Variants in THOC5 observed in about 807,000 individuals in gnomAD.
THOC5 encodes the protein THO complex subunit 5.
THOC5 carries 43 observed loss-of-function variants against 92.9 expected under a neutral mutation model. The observed-to-expected ratio is 0.46, with a 90% CI of 0.36 to 0.60. The LOEUF is 0.60. Ranked by LOEUF, THOC5 falls within the 20% of genes least tolerant of loss-of-function variation. The probability of loss-of-function intolerance (pLI) is 0.00; values close to 1 mark genes in which losing one functional copy is unlikely to be tolerated. For missense variants in THOC5, 659 were observed against 849.4 expected (o/e 0.78, Z 2.79); for synonymous variants, 296 against 320.1 (o/e 0.92, Z 0.80).
intron 17 of THOC5, among the ~76,000 whole-genome samples, chr22:29,516,204 C>T (rs563411022): frequency 2.7e-5 from 4 of 149,568 alleles, no homozygotes; most frequent in African/African-American, 9.8e-5. Flanking sequence ...TGCATAAAAT[C>T]CAAATAGTGG....
chr22:29,511,972 C>T (rs2063232132), intron 18 of THOC5, 49 bp downstream of exon 18: 3 of 1,532,922 alleles, frequency 2.0e-6, no homozygotes, highest in African/African-American at 1.4e-5. Context: ...ACGGCCACCT[C>T]CCCCGGGAGC....
chr22:29,527,973 C>T (rs1248239238), intron 11 of THOC5, 105 bp downstream of exon 11: 7 of 1,000,804 alleles, frequency 7.0e-6, no homozygotes, highest in Non-Finnish European at 1.1e-5. Context: ...AAATGGGAAT[C>T]CTTTGTTGGG....
At chr22:29,531,985 T>G (rs776801143) in intron 7 of THOC5, 22 bp from the exon 8 acceptor site, 1 of 1,612,008 alleles carries the variant, frequency 6.2e-7, no homozygotes, top group Non-Finnish European at 8.5e-7. Context: ...AGACAGATTT[T>G]TGTTCTTCCT....
At chr22:29,549,987 C>T (rs2064108762) in intron 1 of THOC5, among the ~76,000 whole-genome samples, 1 of 152,082 alleles carries the variant, frequency 6.6e-6, no homozygotes, top group East Asian at 1.9e-4. Context: ...GAATCATTTA[C>T]CTGTCTTCCC....
intron 18 of THOC5, 131 bp from the exon 19 acceptor site, chr22:29,511,427 T>A: frequency 1.1e-6 from 1 of 949,688 alleles, no homozygotes; most frequent in Non-Finnish European, 1.6e-6. Context: ...GGCTAGGCCA[T>A]CAGATCAAGC....
chr22:29,530,743 T>A (rs578022828), intron 8 of THOC5, among the ~76,000 whole-genome samples: 34 of 152,116 alleles, frequency 2.2e-4, no homozygotes, highest in Non-Finnish European at 4.9e-4. Context: ...TTGAGTGATG[T>A]CTTGAGACCC....
chr22:29,545,131 A>T (rs1368590717), intron 2 of THOC5: 1 of 419,012 alleles, frequency 2.4e-6, no homozygotes, highest in Non-Finnish European at 4.7e-6. Flanking sequence ...TGGCGGCGGC[A>T]AGAGAAAAAT....
rs115416102 is a variant in THOC5, at chr22:29,528,256, A to C, written c.967-79T>G. On this transcript the variant is annotated intron_variant, in intron 10 of 19. Coordinates refer to ENST00000490103, the MANE Select transcript of THOC5 (RefSeq NM_003678.5). The stretch of plus-strand genomic sequence containing the variant: ...TCCCTCTCCCAACCAGCCAGGCCTC[A>C]GCCCTACTGCCTGGCACCTGCTGCT... 1.0e-3 allele frequency: 1,645 copies of C among 1,613,978 alleles called. 16 individuals are homozygous for C. In the African/African-American group the frequency reaches 0.02, roughly 20 times the overall value.
intron 6 of THOC5, among the ~76,000 whole-genome samples, chr22:29,537,932 C>T (rs1364560015): frequency 6.6e-6 from 1 of 152,072 alleles, no homozygotes; most frequent in Non-Finnish European, 1.5e-5. Context: ...ATAAATAAAC[C>T]TCTTTATTCA....
chr22:29,536,330 G>A (rs796608197), intron 7 of THOC5: 37 of 285,398 alleles, frequency 1.3e-4, no homozygotes, highest in African/African-American at 6.3e-4. Flanking sequence ...TTGTGAGGCC[G>A]GTGGGGGCCA....
intron 9 of THOC5, 38 bp from the exon 10 acceptor site, chr22:29,528,504 G>GAGCCCC: frequency 6.2e-7 from 1 of 1,609,332 alleles, no homozygotes; most frequent in South Asian, 1.1e-5. Context: ...AGGTGAGGGG[G>GAGCCCC]CTCCAAATGC....
At chr22:29,528,291 T>G (rs748282479) in intron 10 of THOC5, 114 bp from the exon 11 acceptor site, 2 of 1,614,006 alleles carry the variant, frequency 1.2e-6, no homozygotes, top group East Asian at 4.5e-5. Context: ...TTCAGCTAGC[T>G]GGGTTGTCAG....
intron 17 of THOC5, among the ~76,000 whole-genome samples, chr22:29,512,612 C>T (rs922567252): frequency 2.0e-5 from 3 of 152,208 alleles, no homozygotes; most frequent in Non-Finnish European, 4.4e-5. Flanking sequence ...TACTAGCCAA[C>T]ATGTAGAGAG....
intron 11 of THOC5, among the ~76,000 whole-genome samples, chr22:29,527,334 G>A (rs547044554): frequency 2.6e-5 from 4 of 152,244 alleles, no homozygotes; most frequent in South Asian, 2.1e-4. Context: ...TGGGAAGATC[G>A]ATTGAGCCCA....
chr22:29,552,530 G>A (rs1297877489), intron 1 of THOC5, among the ~76,000 whole-genome samples: 2 of 148,482 alleles, frequency 1.3e-5, no homozygotes, highest in African/African-American at 2.5e-5. Flanking sequence ...TCCGGGAGGT[G>A]GGGGGCAGCC....
At chr22:29,536,553 C>A in intron 7 of THOC5, 71 bp downstream of exon 7, 1 of 936,074 alleles carries the variant, frequency 1.1e-6, no homozygotes, top group Non-Finnish European at 1.8e-6. Context: ...TGGCAAAGCC[C>A]AAAGGGTGAC....
rs1377771706 is a variant in THOC5 at position 29,542,972 on chromosome 22, G to A, written c.355-16C>T. The A allele has an allele frequency of 2.5e-6, 4 of 1,590,278 alleles. No homozygotes were observed. The South Asian group carries it at 3.4e-5, about 13-fold the overall frequency. On this transcript the variant is annotated splice_polypyrimidine_tract_variant and intron_variant, in intron 4 of 19. Transcript: ENST00000490103. Reference sequence around the variant, plus strand: ...TCTGCTTAGCCTGAAAGGAAAATACGATCAGAAGTGAGCAGGGCAAGTCAG... The same window carrying A: ...TCTGCTTAGCCTGAAAGGAAAATACAATCAGAAGTGAGCAGGGCAAGTCAG...
At chr22:29,536,441 G>T in intron 7 of THOC5, 183 bp downstream of exon 7, 1 of 586,326 alleles carries the variant, frequency 1.7e-6, no homozygotes, top group African/African-American at 1.9e-5. Flanking sequence ...ATATTCCTGA[G>T]GCCAGCACTT....
At position 29,508,671 on chromosome 22, in the gene THOC5, G is replaced by T. The variant is rs554112139; in HGVS notation, c.1989-151C>A. The T allele has an allele frequency of 3.6e-5, 25 of 702,494 alleles. No individual in the cohort carries two copies. In the Admixed American group the frequency reaches 4.8e-4, roughly 13 times the overall value. The allele number at this position is 702,494 out of a possible 1,614,324, so 43.5% of individuals were successfully genotyped here. On this transcript the variant is annotated intron_variant, in intron 19 of 19. Coordinates refer to ENST00000490103, the MANE Select transcript of THOC5 (RefSeq NM_003678.5). ...AGCATACGGCAGAACAACATATAAG[G>T]TGCGATACTATTTTTGTAAAAATGT...
Sources: allele counts gnomAD v4.1 joint callset (sites outside exome capture counted in the v4.1 genomes callset), GRCh38; gene constraint gnomAD v4.1.1; transcripts MANE v1.5; gene names NCBI Gene and HGNC (gene_info 2026-07-23, HGNC 2026-07-21).